The following UBE2F variants were observed in gnomAD, a reference collection of about 807,000 sequenced individuals.
UBE2F encodes NEDD8-conjugating enzyme UBE2F.
A neutral mutation model predicts 29.6 loss-of-function variants in UBE2F; 5 were observed. The ratio of observed to expected loss-of-function variants is 0.17; its 90% CI spans 0.09 to 0.36. The LOEUF (loss-of-function observed/expected upper bound fraction) is 0.36, where lower values mean the gene tolerates loss of function less well. UBE2F is among the 10% of genes least tolerant of loss of function. The pLI, the probability that UBE2F is intolerant of heterozygous loss-of-function variation, is 1.00. For synonymous variants in UBE2F, 66 were observed against 81.8 expected, an observed-to-expected ratio of 0.81 and a Z score of 1.04; for missense variants, 141 against 228.5, an observed-to-expected ratio of 0.62 and a Z score of 2.47.
chr2:238,039,556 G>A (rs1471502828), intron 9 of UBE2F, among the ~76,000 whole-genome samples: 4 of 152,222 alleles, frequency 2.6e-5, no homozygotes, highest in Admixed American at 6.5e-5. Flanking sequence ...TTGCTGCTGA[G>A]GACACAGCTG....
chr2:238,008,103 A>G (rs1253657213), intron 4 of UBE2F, among the ~76,000 whole-genome samples: 1 of 152,108 alleles, frequency 6.6e-6, no homozygotes, highest in African/African-American at 2.4e-5. Flanking sequence ...ACAGATGCCC[A>G]TCGTCTGTAG....
At chr2:237,987,597 A>G (rs1359566526) in intron 2 of UBE2F, among the ~76,000 whole-genome samples, 2 of 152,234 alleles carry the variant, frequency 1.3e-5, no homozygotes, top group African/African-American at 4.8e-5. Context: ...GGGAACAGAC[A>G]TAGACACAAG....
intron 2 of UBE2F, chr2:237,973,631 T>A (rs2063216649): frequency 7.8e-7 from 1 of 1,284,548 alleles, no homozygotes; most frequent in Admixed American, 2.3e-5. Flanking sequence ...TCTTAGGATC[T>A]TTTCCTGTTT....
At chr2:238,016,863 C>G (rs1245517034) in intron 5 of UBE2F, among the ~76,000 whole-genome samples, 1 of 152,168 alleles carries the variant, frequency 6.6e-6, no homozygotes, top group Non-Finnish European at 1.5e-5. Context: ...TGCCAGGCAG[C>G]CTGCCTGTGT....
At chr2:238,024,506 C>G (rs1302852674) in intron 5 of UBE2F, among the ~76,000 whole-genome samples, 1 of 152,030 alleles carries the variant, frequency 6.6e-6, no homozygotes, top group African/African-American at 2.4e-5. Flanking sequence ...CTACCATGCC[C>G]AGCTCTTTTT....
intron 6 of UBE2F, chr2:238,028,930 T>C (rs958954301): frequency 6.7e-6 from 1 of 149,146 alleles, no homozygotes; most frequent in Non-Finnish European, 1.5e-5. Flanking sequence ...TATACTTTTT[T>C]CAAAGTATGG....
intron 9 of UBE2F, among the ~76,000 whole-genome samples, chr2:238,036,938 A>G (rs2064725434): frequency 2.0e-5 from 3 of 152,206 alleles, no homozygotes; most frequent in Non-Finnish European, 2.9e-5. Flanking sequence ...TGTTGAGCTC[A>G]TACACATTCA....
At chr2:238,035,267 G>T (rs1415991397) in intron 8 of UBE2F, 1 of 153,440 alleles carries the variant, frequency 6.5e-6, no homozygotes, top group Non-Finnish European at 1.4e-5. Context: ...AAAGTCCAGA[G>T]TGCTTCTTGG....
At chr2:237,992,686 A>C (rs1576604228) in intron 3 of UBE2F, among the ~76,000 whole-genome samples, 2 of 152,094 alleles carry the variant, frequency 1.3e-5, no homozygotes, top group Admixed American at 1.3e-4. Flanking sequence ...GTAGGAATTA[A>C]CCTTGCTTCT....
At chr2:238,009,357 A>G (rs1297810136) in intron 4 of UBE2F, among the ~76,000 whole-genome samples, 1 of 152,232 alleles carries the variant, frequency 6.6e-6, no homozygotes, top group East Asian at 1.9e-4. Context: ...TCTATATCAT[A>G]TATGTCTTAC....
intron 4 of UBE2F, among the ~76,000 whole-genome samples, chr2:238,008,421 A>T (rs1378830979): frequency 6.6e-6 from 1 of 152,030 alleles, no homozygotes; most frequent in Non-Finnish European, 1.5e-5. Context: ...CCTTCAAGGG[A>T]TTTGCTCATA....
intron 6 of UBE2F, among the ~76,000 whole-genome samples, chr2:238,026,559 G>A (rs1018095102): frequency 4.6e-5 from 7 of 152,092 alleles, no homozygotes; most frequent in South Asian, 4.2e-4. Context: ...TCAGCGTCCC[G>A]AGTAGCTGGG....
At chr2:237,970,340 A>T (rs2063150111) in intron 1 of UBE2F, among the ~76,000 whole-genome samples, 1 of 152,202 alleles carries the variant, frequency 6.6e-6, no homozygotes, top group Non-Finnish European at 1.5e-5. Context: ...ACGCCACTGC[A>T]CTCCAGCCTG....
At chr2:238,028,244 C>A (rs1016218120) in intron 6 of UBE2F, among the ~76,000 whole-genome samples, 3 of 152,246 alleles carry the variant, frequency 2.0e-5, no homozygotes, top group African/African-American at 7.2e-5. Flanking sequence ...CTGCCCCAGC[C>A]AGATGCAAAG....
At chr2:238,028,922 TA>T (rs1467024806) in intron 6 of UBE2F, 1 of 45,450 alleles carries the variant, frequency 2.2e-5, no homozygotes, top group African/African-American at 7.2e-5. Context: ...CAATAAATTA[TA>T]CTTTTTTCAA....
At chr2:238,006,708 A>G (rs1444243009) in intron 4 of UBE2F, among the ~76,000 whole-genome samples, 1 of 150,502 alleles carries the variant, frequency 6.6e-6, no homozygotes, top group Non-Finnish European at 1.5e-5. Flanking sequence ...GTACAGTCAT[A>G]TATAGAAGTG....
Position 238,040,202 on chromosome 2 carries a change from G to C in UBE2F, c.508-1086G>C, listed in dbSNP as rs2064808995. Among the ~76,000 whole-genome samples the C allele has an allele frequency of 6.6e-6, 1 of 152,236 alleles. No homozygotes were observed. Among genetic ancestry groups the C allele is most frequent in the Non-Finnish European group, 1.5e-5 (1 of 68,044 alleles). ...AAGGGTCGCTGTGCTAACTAAAAGT[G>C]TGGCAGGAGGGCAGGCACCTGGTGC... On this transcript the variant is annotated intron_variant, in intron 9 of 9. Transcript: ENST00000272930. This position sits in a 1 kb window ranked among gnomAD's most constrained non-coding sequence, Gnocchi z 4.4.
chr2:237,994,089 CTCT>C (rs796501313), intron 3 of UBE2F, among the ~76,000 whole-genome samples: 34 of 148,958 alleles, frequency 2.3e-4, no homozygotes, highest in African/African-American at 7.9e-4. Context: ...CCTGGGCGCA[CTCT>C]TCTTCTTCTT....
At chr2:237,974,687 G>C (rs1469782809) in intron 2 of UBE2F, among the ~76,000 whole-genome samples, 2 of 150,676 alleles carry the variant, frequency 1.3e-5, no homozygotes, top group African/African-American at 4.9e-5. Context: ...CTAATTTTTT[G>C]TATTTTTAGT....
Sources: gnomAD v4.1 joint callset for allele counts (sites outside exome capture counted in the v4.1 genomes callset) on GRCh38, gnomAD v4.1.1 for gene constraint, Gnocchi (gnomAD v3.1) non-coding constraint, MANE v1.5 for transcripts, NCBI Gene and HGNC (gene_info 2026-07-23, HGNC 2026-07-21) for gene names.